The following MYH10 variants were observed in gnomAD, a reference collection of about 807,000 sequenced individuals.
MYH10 encodes myosin-10.
In MYH10, 55 loss-of-function variants were observed where a neutral mutation model predicts 257.8. The observed-to-expected ratio is 0.21, with a 90% CI of 0.17 to 0.27. The LOEUF is 0.27. Ranked by LOEUF, MYH10 falls within the 10% of genes least tolerant of loss-of-function variation. The probability of loss-of-function intolerance (pLI) is 1.00; values close to 1 mark genes in which losing one functional copy is unlikely to be tolerated. For missense variants in MYH10, 1,631 were observed against 2,500.6 expected, an observed-to-expected ratio of 0.65 and a Z score of 7.42; for synonymous variants, 854 against 921.7, an observed-to-expected ratio of 0.93 and a Z score of 1.33.
At chr17:8,562,273 A>T (rs2083022266) in intron 7 of MYH10, among the ~76,000 whole-genome samples, 1 of 152,264 alleles carries the variant, frequency 6.6e-6, no homozygotes, top group Non-Finnish European at 1.5e-5. Context: ...ATCAGGTAAG[A>T]TGCAGGCCAT....
At chr17:8,476,823 A>C (rs1049827770) in intron 42 of MYH10, 53 bp downstream of exon 42, 19 of 1,571,332 alleles carry the variant, frequency 1.2e-5, no homozygotes, top group Non-Finnish European at 1.6e-5. Context: ...CCCCGAGCCT[A>C]AGCTAACCCA....
At chr17:8,593,230 C>T (rs1037099784) in intron 3 of MYH10, among the ~76,000 whole-genome samples, 2 of 151,744 alleles carry the variant, frequency 1.3e-5, no homozygotes, top group Non-Finnish European at 2.9e-5. Flanking sequence ...AGTTAATATC[C>T]TCTTTAATAG....
chr17:8,532,797 C>T (rs1218087677), intron 16 of MYH10, among the ~76,000 whole-genome samples: 1 of 152,158 alleles, frequency 6.6e-6, no homozygotes, highest in Admixed American at 6.5e-5. Flanking sequence ...TCATTGCTTC[C>T]AGATCTAGCT....
At chr17:8,542,054 A>C in intron 14 of MYH10, 53 bp downstream of exon 14, 1 of 1,542,566 alleles carries the variant, frequency 6.5e-7, no homozygotes, top group South Asian at 1.3e-5. Flanking sequence ...ATGCCACTTA[A>C]GGTCACTGCT....
intron 7 of MYH10, among the ~76,000 whole-genome samples, chr17:8,564,076 A>T (rs1449873835): frequency 6.6e-6 from 1 of 152,166 alleles, no homozygotes; most frequent in Non-Finnish European, 1.5e-5. Context: ...TTTTTACATA[A>T]ATCTCCTCCA....
chr17:8,564,386 G>A (rs1279216441), intron 7 of MYH10, among the ~76,000 whole-genome samples: 1 of 151,988 alleles, frequency 6.6e-6, no homozygotes, highest in Non-Finnish European at 1.5e-5. Flanking sequence ...TTTTAACATC[G>A]TACTACTCTT....
chr17:8,481,248 T>C, intron 38 of MYH10, 74 bp downstream of exon 38: 1 of 1,438,926 alleles, frequency 6.9e-7, no homozygotes, highest in Non-Finnish European at 9.7e-7. Flanking sequence ...GCCAGGTGTG[T>C]GGACACCTCC....
intron 16 of MYH10, among the ~76,000 whole-genome samples, chr17:8,531,068 T>C (rs959910931): frequency 2.5e-4 from 38 of 152,176 alleles, no homozygotes; most frequent in African/African-American, 8.7e-4. Context: ...CACAGCACTA[T>C]GGCGAATGTA....
chr17:8,621,171 G>A (rs966891520), intron 2 of MYH10, among the ~76,000 whole-genome samples: 1 of 152,148 alleles, frequency 6.6e-6, no homozygotes, highest in Non-Finnish European at 1.5e-5. Flanking sequence ...TTTTGATGGT[G>A]ACATCACATT....
Position 8,530,682 on chromosome 17 carries a change from A to T in MYH10, c.1898T>A (p.Ile633Asn). Residue 633 changes from isoleucine to asparagine, a missense_variant, in exon 17 of 43, where the codon ATT (isoleucine) becomes AAT (asparagine). Ile to Asn is a moderately radical substitution (Grantham distance 149). Coordinates refer to ENST00000360416, the MANE Select transcript of MYH10 (RefSeq NM_001256012.3). ...GAAAGAAGCTCTCTGAATATTCTGA[A>T]TCTCTAAAGCAGAGAAACAGCAAAA... Reference protein sequence around the residue: ...RFVAELWKDEIQNIQRASFYD... With the variant: ...RFVAELWKDENQNIQRASFYD... 2 of 1,549,406 alleles carry T rather than the reference A, an allele frequency of 1.3e-6. No homozygotes were observed. Among genetic ancestry groups the T allele is most frequent in the Non-Finnish European group, 1.7e-6 (2 of 1,146,354 alleles).
Position 8,506,355 on chromosome 17 carries a change from C to A in MYH10, c.3349G>T (p.Ala1117Ser). Residue 1117 changes from alanine to serine, a missense_variant, in exon 27 of 43, where the codon GCC becomes TCC. By Grantham distance (99) the Ala-to-Ser change is moderately conservative (BLOSUM62 1). This residue lies in a region of MYH10 where 169 missense variants were observed against 249.8 expected (regional missense o/e 0.68). Transcript: ENST00000360416. The surrounding 1 kb of genome is among the most constrained non-coding windows in gnomAD (Gnocchi z 5.0). ...CCCTGCAGCTCCTCCTCCTTCTTGG[C>A]CAGCTGCAGCTTGAGCTCATCAATC... ...AQIDELKLQL[A>S]KKEEELQGAL... is the part of the protein sequence containing the mutation. The A allele has an allele frequency of 6.2e-7, 1 of 1,606,458 alleles. No homozygotes were observed. Among genetic ancestry groups the A allele is most frequent in the Non-Finnish European group, 8.5e-7 (1 of 1,177,690 alleles).
At chr17:8,576,478 T>C in intron 6 of MYH10, 165 bp downstream of exon 6, 1 of 598,618 alleles carries the variant, frequency 1.7e-6, no homozygotes, top group South Asian at 2.7e-5. Context: ...GGCATGCGCT[T>C]CTCAAGAAAG....
At chr17:8,610,427 A>G (rs1334903028) in intron 2 of MYH10, among the ~76,000 whole-genome samples, 2 of 151,438 alleles carry the variant, frequency 1.3e-5, no homozygotes, top group Non-Finnish European at 2.9e-5. Flanking sequence ...CTATCTCCAG[A>G]AGCAAAAAAA....
At chr17:8,624,334 T>G (rs2085589359) in intron 1 of MYH10, among the ~76,000 whole-genome samples, 2 of 152,166 alleles carry the variant, frequency 1.3e-5, no homozygotes. Flanking sequence ...CTAATGTGAC[T>G]CATCATGATT....
chr17:8,612,318 C>T (rs6503133), intron 2 of MYH10, among the ~76,000 whole-genome samples: 19,345 of 152,048 alleles, frequency 0.13, 1,787 homozygotes, highest in African/African-American at 0.26. Context: ...AACTTAATAA[C>T]GATAAAATCA....
chr17:8,563,520 G>A (rs182359938), intron 7 of MYH10, among the ~76,000 whole-genome samples: 30 of 152,326 alleles, frequency 2.0e-4, no homozygotes, highest in Admixed American at 1.8e-3. Flanking sequence ...GTATTGTTGG[G>A]GGTGCTCCTA....
At position 8,480,299 on chromosome 17, in the gene MYH10, TC is replaced by T; in HGVS notation, c.5407del (p.Glu1803SerfsTer2). The T allele has an allele frequency of 6.2e-7, 1 of 1,614,150 alleles. No homozygotes were observed. Among genetic ancestry groups the T allele is most frequent in the Non-Finnish European group, 8.5e-7 (1 of 1,180,028 alleles). On this transcript the variant is annotated frameshift_variant, in exon 40 of 43. Transcript: ENST00000360416. LOFTEE classifies it high-confidence loss of function. ...GGCGGCGCTGCGCTCGGCTGCTAGC[TC>T]GGCGTTCAGTGTGTCCACCTAGAGA... is the stretch of plus-strand genomic sequence containing the variant. ...TTLQVDTLNA[E>X]LAAERSAAQK... is the part of the protein sequence containing the mutation.
At position 8,478,100 on chromosome 17, in the gene MYH10, G is replaced by A. The variant is rs188509162; in HGVS notation, c.5706+238C>T. Among the ~76,000 whole-genome samples the A allele has an allele frequency of 4.0e-4, 61 of 152,340 alleles. 1 individual carries two copies. The highest frequency in any genetic ancestry group is 1.3e-3 in the African/African-American group (54 of 41,572). On this transcript the variant is annotated intron_variant, in intron 41 of 42. Coordinates refer to ENST00000360416, the MANE Select transcript of MYH10 (RefSeq NM_001256012.3). Reference sequence around the variant, plus strand: ...CTCACGAAGCACACATTCTAGTGGAGGAAGCAGGAGCTTTACAGTTCAGTC... The same window carrying A: ...CTCACGAAGCACACATTCTAGTGGAAGAAGCAGGAGCTTTACAGTTCAGTC...
chr17:8,549,564 C>G (rs963571808), intron 9 of MYH10, among the ~76,000 whole-genome samples: 2 of 152,248 alleles, frequency 1.3e-5, no homozygotes, highest in Non-Finnish European at 2.9e-5. Flanking sequence ...CTCTCTTGCT[C>G]TCCTGCAGAG....
Sources: allele counts gnomAD v4.1 joint callset (sites outside exome capture counted in the v4.1 genomes callset), GRCh38; gene constraint gnomAD v4.1.1; regional missense constraint gnomAD v4.1.1; non-coding constraint Gnocchi (gnomAD v3.1); transcripts MANE v1.5; gene names NCBI Gene and HGNC (gene_info 2026-07-23, HGNC 2026-07-21).